Variants in SEMA6A observed in about 807,000 individuals in gnomAD.
SEMA6A encodes semaphorin-6A.
Under a neutral mutation model 96.8 loss-of-function variants are expected in SEMA6A, and 25 were observed. The observed-to-expected ratio is 0.26, with a 90% confidence interval of 0.19 to 0.36. The LOEUF is 0.36. Ranked by LOEUF, SEMA6A falls within the 10% of genes least tolerant of loss-of-function variation. The pLI is 1.00. For synonymous variants in SEMA6A, 612 were observed against 518.0 expected, an observed-to-expected ratio of 1.18 and a Z score of -2.46; for missense variants, 1,363 against 1,323.1, an observed-to-expected ratio of 1.03 and a Z score of -0.47.
At chr5:116,529,448 G>A (rs1456541148) in intron 1 of SEMA6A, among the ~76,000 whole-genome samples, 2 of 152,162 alleles carry the variant, frequency 1.3e-5, no homozygotes, top group Non-Finnish European at 2.9e-5. Flanking sequence ...TGATGGAAAT[G>A]CTAATTACCC....
chr5:116,537,463 A>G (rs527584567), intron 1 of SEMA6A, among the ~76,000 whole-genome samples: 1 of 152,306 alleles, frequency 6.6e-6, no homozygotes, highest in African/African-American at 2.4e-5. Context: ...GGGTTCTAGC[A>G]TCAGTCTAAT....
chr5:116,471,636 A>C (rs536976615), intron 17 of SEMA6A: 34 of 152,312 alleles, frequency 2.2e-4, no homozygotes, highest in African/African-American at 8.2e-4. Context: ...AGGGAACATT[A>C]AAGTTGGATG....
At chr5:116,501,369 A>C (rs1442665717) in intron 3 of SEMA6A, among the ~76,000 whole-genome samples, 1 of 152,208 alleles carries the variant, frequency 6.6e-6, no homozygotes, top group Non-Finnish European at 1.5e-5. Context: ...CTGTCTGTCT[A>C]AATAACATTT....
At chr5:116,486,712 A>G (rs755248046) in intron 10 of SEMA6A, 37 bp downstream of exon 10, 6 of 1,542,728 alleles carry the variant, frequency 3.9e-6, no homozygotes, top group Admixed American at 3.4e-5. Context: ...GAAGCCAGGA[A>G]GAATTGATGA....
chr5:116,475,548 G>A lies in SEMA6A; in HGVS notation c.1705C>T (p.His569Tyr). The A allele has an allele frequency of 6.3e-7, 1 of 1,598,038 alleles. No homozygotes were observed. Among genetic ancestry groups the A allele is most frequent in the Non-Finnish European group, 8.5e-7 (1 of 1,171,300 alleles). ...RGNTDGLGDC[H>Y]NSFVALNGHS... The stretch of plus-strand genomic sequence containing the variant: ...ATGGATAAAAGACTGTACTTACTGT[G>A]ACAGTCCCCCAGACCATCTGTATTG... The change falls in exon 16 of 19, where the codon CAC (histidine) becomes TAC (tyrosine). Residue 569 changes from histidine (H) to tyrosine (Y), a missense_variant. His to Tyr is a moderately conservative substitution (Grantham distance 83, BLOSUM62 2). This residue lies in a region of SEMA6A where 883 missense variants were observed against 763.6 expected (regional missense o/e 1.16). Coordinates refer to ENST00000343348, the MANE Select transcript of SEMA6A (RefSeq NM_020796.5).
chr5:116,532,439 TG>T (rs1328566991), intron 1 of SEMA6A, among the ~76,000 whole-genome samples: 1 of 152,188 alleles, frequency 6.6e-6, no homozygotes, highest in Non-Finnish European at 1.5e-5. Flanking sequence ...GACAGACAAA[TG>T]TAACTCCATG....
intron 10 of SEMA6A, among the ~76,000 whole-genome samples, chr5:116,484,186 T>C (rs779125637): frequency 3.3e-5 from 5 of 152,144 alleles, no homozygotes; most frequent in Admixed American, 6.6e-5. Flanking sequence ...AAGTAACACA[T>C]TTACATATAG....
intron 7 of SEMA6A, 60 bp downstream of exon 7, chr5:116,491,680 C>T (rs1373758431): frequency 7.9e-7 from 1 of 1,269,982 alleles, no homozygotes; most frequent in East Asian, 2.3e-5. Context: ...AGAGCAGATT[C>T]ACAGTGACAG....
chr5:116,462,522 C>G (rs7704579), intron 18 of SEMA6A, among the ~76,000 whole-genome samples: 67,462 of 151,998 alleles, frequency 0.44, 15,161 homozygotes, highest in East Asian at 0.66. Flanking sequence ...CTTAACAAGC[C>G]TAGAGTGGCT....
At chr5:116,460,242 G>A (rs933990471) in intron 18 of SEMA6A, among the ~76,000 whole-genome samples, 3 of 152,046 alleles carry the variant, frequency 2.0e-5, no homozygotes, top group African/African-American at 7.2e-5. Context: ...CTTGAAAGTG[G>A]CATTTGAAAG....
At chr5:116,539,382 A>G (rs533143757) in intron 1 of SEMA6A, among the ~76,000 whole-genome samples, 49 of 152,336 alleles carry the variant, frequency 3.2e-4, no homozygotes, top group African/African-American at 1.2e-3. Flanking sequence ...CTGACGTGCT[A>G]TGAAAGCATT....
intron 17 of SEMA6A, chr5:116,467,974 C>G (rs1413853568): frequency 3.8e-6 from 2 of 532,774 alleles, no homozygotes; most frequent in East Asian, 3.2e-5. Context: ...AGGGCCAGAT[C>G]CTATCTCTCA....
intron 1 of SEMA6A, among the ~76,000 whole-genome samples, chr5:116,541,760 G>C (rs1002800948): frequency 6.6e-6 from 1 of 152,178 alleles, no homozygotes; most frequent in African/African-American, 2.4e-5. Context: ...TTGAACCTGG[G>C]AGGTGGAGGT....
intron 1 of SEMA6A, among the ~76,000 whole-genome samples, chr5:116,551,131 G>A (rs1469224169): frequency 6.6e-6 from 1 of 152,106 alleles, no homozygotes; most frequent in African/African-American, 2.4e-5. Flanking sequence ...CTTAGATGAG[G>A]TACACATACA....
chr5:116,483,813 T>C lies in SEMA6A; in HGVS notation c.963-1238A>G, dbSNP rs138199477. Among the ~76,000 whole-genome samples the C allele has an allele frequency of 9.2e-3, 1,402 of 152,270 alleles. 53 individuals carry two copies. The highest frequency in any genetic ancestry group is 0.052 in the Admixed American group (802 of 15,302). On this transcript the variant is annotated intron_variant, in intron 10 of 18. Transcript: ENST00000343348. ...GCGAAGTGGCTCACGCCTATAATCC[T>C]GGCACTTTGGGAGGCTGAGGTGGGT...
At chr5:116,450,605 C>CT (rs1275377240) in intron 18 of SEMA6A, among the ~76,000 whole-genome samples, 2 of 152,112 alleles carry the variant, frequency 1.3e-5, no homozygotes, top group African/African-American at 2.4e-5. Flanking sequence ...GGGAAGAACT[C>CT]TTTTTTAGTG....
chr5:116,561,671 G>T (rs1160297509), intron 1 of SEMA6A, among the ~76,000 whole-genome samples: 2 of 152,222 alleles, frequency 1.3e-5, no homozygotes, highest in African/African-American at 4.8e-5. Flanking sequence ...TGGCATGTTG[G>T]AAGATCTGCT....
intron 1 of SEMA6A, among the ~76,000 whole-genome samples, chr5:116,572,230 CGTGT>C (rs1057438841): frequency 6.6e-6 from 1 of 152,100 alleles, no homozygotes. Flanking sequence ...CGAGTGTGTG[CGTGT>C]GTGTGTCCAT....
At chr5:116,565,417 G>A (rs1045889130) in intron 1 of SEMA6A, among the ~76,000 whole-genome samples, 2 of 152,128 alleles carry the variant, frequency 1.3e-5, no homozygotes, top group African/African-American at 2.4e-5. Context: ...CAGCCTCCAT[G>A]ATTAACAGAT....
Sources: gnomAD v4.1 joint callset for allele counts (sites outside exome capture counted in the v4.1 genomes callset) on GRCh38, gnomAD v4.1.1 for gene constraint, gnomAD v4.1.1 regional missense constraint, MANE v1.5 for transcripts, NCBI Gene and HGNC (gene_info 2026-07-23, HGNC 2026-07-21) for gene names.